TAFA4: variants seen among roughly 807,000 people sequenced by gnomAD.
The protein encoded by TAFA4 is chemokine-like protein TAFA-4.
A neutral mutation model predicts 21.1 loss-of-function variants in TAFA4; 20 were observed. That is an observed-to-expected ratio of 0.95 (90% CI 0.67 to 1.38). The LOEUF (loss-of-function observed/expected upper bound fraction) is 1.38. Ranked by LOEUF, TAFA4 falls within the 40% of genes most tolerant of loss-of-function variation. The pLI, the probability that TAFA4 is intolerant of heterozygous loss-of-function variation, is 0.00. For missense variants in TAFA4, 211 were observed against 180.9 expected (o/e 1.17, Z -0.95); for synonymous variants, 71 against 67.4 (o/e 1.05, Z -0.26).
chr3:68,855,828 C>G (rs749491608), intron 3 of TAFA4, among the ~76,000 whole-genome samples: 1 of 151,978 alleles, frequency 6.6e-6, no homozygotes, highest in Non-Finnish European at 1.5e-5. Flanking sequence ...TTCTGACCAC[C>G]GAATGCCGTC....
intron 3 of TAFA4, among the ~76,000 whole-genome samples, chr3:68,849,265 A>C (rs79711678): frequency 0.012 from 1,773 of 152,318 alleles, 26 homozygotes; most frequent in East Asian, 0.049. Context: ...TCTCTGATGA[A>C]GACATGAGGT....
At chr3:68,915,217 T>G (rs1215902298) in intron 1 of TAFA4, among the ~76,000 whole-genome samples, 1 of 152,196 alleles carries the variant, frequency 6.6e-6, no homozygotes, top group Non-Finnish European at 1.5e-5. Context: ...TGAAGCCCAG[T>G]GAGTGTCTAA....
At chr3:68,851,280 G>A (rs1474923725) in intron 3 of TAFA4, among the ~76,000 whole-genome samples, 1 of 152,110 alleles carries the variant, frequency 6.6e-6, no homozygotes, top group African/African-American at 2.4e-5. Context: ...ATAAGTGGGA[G>A]CTAAACAATG....
At chr3:68,799,723 G>A (rs142337452) in intron 3 of TAFA4, among the ~76,000 whole-genome samples, 75 of 152,320 alleles carry the variant, frequency 4.9e-4, no homozygotes, top group African/African-American at 1.5e-3. Flanking sequence ...AATGAAGATA[G>A]CCTCTAGAAC....
At chr3:68,798,036 T>C (rs922527561) in intron 3 of TAFA4, among the ~76,000 whole-genome samples, 1 of 152,194 alleles carries the variant, frequency 6.6e-6, no homozygotes, top group African/African-American at 2.4e-5. Flanking sequence ...GAATATAATA[T>C]AGGTATATCT....
intron 2 of TAFA4, chr3:68,882,977 A>C (rs571498671): frequency 4.6e-5 from 7 of 152,280 alleles, no homozygotes; most frequent in Non-Finnish European, 1.0e-4. Context: ...ATCTATAGCC[A>C]TACTACCCTC....
chr3:68,755,005 A>G (rs1702632964), intron 3 of TAFA4, among the ~76,000 whole-genome samples: 1 of 152,192 alleles, frequency 6.6e-6, no homozygotes, highest in African/African-American at 2.4e-5. Context: ...CATCCGACTT[A>G]GAAACCCGAA....
chr3:68,906,053 A>G (rs577663533), intron 1 of TAFA4, among the ~76,000 whole-genome samples: 1 of 152,342 alleles, frequency 6.6e-6, no homozygotes, highest in South Asian at 2.1e-4. Context: ...GTAAATTCCC[A>G]TCTGAGGAAG....
intron 3 of TAFA4, among the ~76,000 whole-genome samples, chr3:68,805,351 T>C (rs1703669994): frequency 6.6e-6 from 1 of 152,228 alleles, no homozygotes; most frequent in Non-Finnish European, 1.5e-5. Flanking sequence ...TTTACACTGT[T>C]GGTGGGACTG....
At chr3:68,873,642 A>C (rs1044284190) in intron 3 of TAFA4, among the ~76,000 whole-genome samples, 79 of 152,314 alleles carry the variant, frequency 5.2e-4, no homozygotes, top group African/African-American at 1.9e-3. Flanking sequence ...CAGGGAGGGC[A>C]GAAAACAGCA....
At chr3:68,913,735 T>C (rs1159235224) in intron 1 of TAFA4, 1 of 149,956 alleles carries the variant, frequency 6.7e-6, no homozygotes, top group Non-Finnish European at 1.5e-5. Context: ...CTGTTACTAA[T>C]CTGATCAATG....
At chr3:68,877,721 T>C (rs1319851017) in intron 3 of TAFA4, among the ~76,000 whole-genome samples, 1 of 152,152 alleles carries the variant, frequency 6.6e-6, no homozygotes, top group Non-Finnish European at 1.5e-5. Flanking sequence ...AAAACAAGCC[T>C]TTTTCTCTTA....
intron 3 of TAFA4, among the ~76,000 whole-genome samples, chr3:68,756,207 C>T (rs539395710): frequency 1.7e-4 from 26 of 152,170 alleles, no homozygotes; most frequent in Non-Finnish European, 3.2e-4. Flanking sequence ...AACTAATACA[C>T]CAACTCTGGC....
intron 3 of TAFA4, among the ~76,000 whole-genome samples, chr3:68,837,528 G>A (rs919488208): frequency 2.0e-5 from 3 of 152,092 alleles, no homozygotes; most frequent in Non-Finnish European, 2.9e-5. Context: ...CACATATGGG[G>A]CTTTCTAAAA....
At chr3:68,836,781 C>T (rs1215743828) in intron 3 of TAFA4, among the ~76,000 whole-genome samples, 2 of 150,226 alleles carry the variant, frequency 1.3e-5, no homozygotes, top group African/African-American at 2.5e-5. Context: ...GATTGGAGTC[C>T]AGGGGTCAGG....
chr3:68,762,607 T>A (rs1046282246), intron 3 of TAFA4, among the ~76,000 whole-genome samples: 1 of 152,224 alleles, frequency 6.6e-6, no homozygotes, highest in Non-Finnish European at 1.5e-5. Context: ...CAGAATAAAG[T>A]ATGCCTTGCC....
intron 3 of TAFA4, among the ~76,000 whole-genome samples, chr3:68,833,780 C>A (rs915281982): frequency 1.3e-5 from 2 of 152,126 alleles, no homozygotes; most frequent in African/African-American, 2.4e-5. Flanking sequence ...GAACTGATCA[C>A]CCCTTTCAGT....
At chr3:68,755,676 A>T (rs1393528473) in intron 3 of TAFA4, among the ~76,000 whole-genome samples, 1 of 152,184 alleles carries the variant, frequency 6.6e-6, no homozygotes, top group African/African-American at 2.4e-5. Flanking sequence ...AGGCCCTCAG[A>T]TCACTCACTC....
chr3:68,871,488 A>G lies in TAFA4; in HGVS notation c.130+9242T>C, dbSNP rs2089482645. Among the ~76,000 whole-genome samples the G allele has an allele frequency of 2.6e-5, 4 of 152,230 alleles. No homozygotes were observed. In the South Asian group the frequency reaches 8.3e-4, roughly 32 times the overall value. On this transcript the variant is annotated intron_variant, in intron 3 of 5. Transcript: ENST00000295569. ...AACTATGAAACTATTAGAAGCAAAA[A>G]CTGGGGAAATGCTTCAAGACATTGG...
Sources: gnomAD v4.1 joint callset for allele counts (sites outside exome capture counted in the v4.1 genomes callset) on GRCh38, gnomAD v4.1.1 for gene constraint, MANE v1.5 for transcripts, NCBI Gene and HGNC (gene_info 2026-07-23, HGNC 2026-07-21) for gene names.